The following VPS13B variants were observed in gnomAD, a reference collection of about 807,000 sequenced individuals.
VPS13B encodes the protein intermembrane lipid transfer protein VPS13B.
In VPS13B, 285 loss-of-function variants were observed where a neutral mutation model predicts 426.4. That is an observed-to-expected ratio of 0.67 (90% CI 0.61 to 0.74). The LOEUF (loss-of-function observed/expected upper bound fraction) is 0.74, where lower values mean the gene tolerates loss of function less well. Ranked by LOEUF, VPS13B falls within the 30% of genes least tolerant of loss-of-function variation. The pLI, the probability that VPS13B is intolerant of heterozygous loss-of-function variation, is 0.00. For synonymous variants in VPS13B, 1,676 were observed against 1,676.4 expected (o/e 1.00, Z 0.01); for missense variants, 4,537 against 4,782.6 (o/e 0.95, Z 1.51).
At chr8:99,031,945 A>C (rs1842525268) in intron 2 of VPS13B, among the ~76,000 whole-genome samples, 1 of 152,264 alleles carries the variant, frequency 6.6e-6, no homozygotes, top group African/African-American at 2.4e-5. Flanking sequence ...TCAGTGGATC[A>C]AATGCGAATT....
At chr8:99,584,254 A>G (rs112449844) in intron 33 of VPS13B, among the ~76,000 whole-genome samples, 163 of 152,316 alleles carry the variant, frequency 1.1e-3, no homozygotes, top group African/African-American at 3.8e-3. Context: ...GGCCTTGTCA[A>G]CGTTAAAATT....
At chr8:99,489,677 A>T (rs1009050633) in intron 25 of VPS13B, among the ~76,000 whole-genome samples, 3 of 152,068 alleles carry the variant, frequency 2.0e-5, no homozygotes, top group African/African-American at 4.8e-5. Flanking sequence ...TGTGAATGGG[A>T]GTTCACTCAT....
chr8:99,032,204 A>T (rs1422554446), intron 2 of VPS13B, among the ~76,000 whole-genome samples: 1 of 152,156 alleles, frequency 6.6e-6, no homozygotes, highest in African/African-American at 2.4e-5. Context: ...ACCTCAGAAG[A>T]TCTTCATTAC....
intron 44 of VPS13B, among the ~76,000 whole-genome samples, chr8:99,813,930 T>C (rs891697240): frequency 1.2e-4 from 19 of 152,202 alleles, no homozygotes. Context: ...GCCCAGGGGT[T>C]TGAGACCAGC....
intron 33 of VPS13B, among the ~76,000 whole-genome samples, chr8:99,609,989 G>A (rs1827773533): frequency 6.6e-6 from 1 of 152,144 alleles, no homozygotes; most frequent in Admixed American, 6.5e-5. Flanking sequence ...TGGGACCTCG[G>A]GGGATCTGTG....
chr8:99,274,093 T>A, intron 17 of VPS13B, 105 bp from the exon 18 acceptor site: 7 of 1,461,642 alleles, frequency 4.8e-6, no homozygotes, highest in Non-Finnish European at 5.7e-6. Context: ...TAAGAACATC[T>A]GAGGTAGACA....
intron 19 of VPS13B, among the ~76,000 whole-genome samples, chr8:99,364,377 T>G (rs975635933): frequency 6.6e-6 from 1 of 152,172 alleles, no homozygotes; most frequent in African/African-American, 2.4e-5. Context: ...TTGCTATTAT[T>G]TTGTTGAGGA....
chr8:99,286,924 T>C (rs1160487277), intron 19 of VPS13B, among the ~76,000 whole-genome samples: 2 of 152,164 alleles, frequency 1.3e-5, no homozygotes, highest in Non-Finnish European at 2.9e-5. Context: ...TGATTGTTGA[T>C]AATTCTGGGA....
At chr8:99,537,772 G>T (rs1020696484) in intron 30 of VPS13B, among the ~76,000 whole-genome samples, 6 of 152,134 alleles carry the variant, frequency 3.9e-5, no homozygotes, top group African/African-American at 1.4e-4. Flanking sequence ...CATGTGTTTG[G>T]TGGTGGCTTT....
intron 19 of VPS13B, among the ~76,000 whole-genome samples, chr8:99,319,515 G>A (rs1809859460): frequency 6.6e-6 from 1 of 152,180 alleles, no homozygotes; most frequent in Admixed American, 6.5e-5. Context: ...TGTTCAGGAT[G>A]TACGACTGTT....
chr8:99,049,867 T>C (rs1018775304), intron 3 of VPS13B, among the ~76,000 whole-genome samples: 1 of 152,022 alleles, frequency 6.6e-6, no homozygotes, highest in African/African-American at 2.4e-5. Flanking sequence ...TCATATTTTC[T>C]TATTCTTTTT....
intron 19 of VPS13B, among the ~76,000 whole-genome samples, chr8:99,315,164 G>A (rs1161332831): frequency 6.6e-6 from 1 of 152,026 alleles, no homozygotes; most frequent in East Asian, 1.9e-4. Context: ...CCTGAATCTG[G>A]ATATCTAAAT....
intron 30 of VPS13B, among the ~76,000 whole-genome samples, chr8:99,523,648 A>G (rs1057089610): frequency 6.6e-6 from 1 of 152,226 alleles, no homozygotes; most frequent in African/African-American, 2.4e-5. Context: ...CAAGTCTGCA[A>G]GAGCCACAGT....
In VPS13B at chr8:99,127,203, G is replaced by A. The variant is rs538571703; in HGVS notation, c.1206+5758G>A. Reference sequence around the variant, plus strand: ...CTCCTCTTCTGTATGACCTTTAAATGTTGGCATATAGGGCTTGGTCTTTGA... The same window carrying A: ...CTCCTCTTCTGTATGACCTTTAAATATTGGCATATAGGGCTTGGTCTTTGA... On this transcript the variant is annotated intron_variant, in intron 8 of 61. Transcript: ENST00000357162. Among the ~76,000 whole-genome samples the A allele has an allele frequency of 8.6e-5, 13 of 150,548 alleles. No homozygotes were observed. In the East Asian group the frequency reaches 1.6e-3, roughly 19 times the overall value.
intron 30 of VPS13B, among the ~76,000 whole-genome samples, chr8:99,540,071 T>A (rs1391068153): frequency 1.8e-5 from 1 of 56,328 alleles, no homozygotes; most frequent in African/African-American, 8.5e-5. Context: ...ATATTTTTTT[T>A]TTTTTTTTTT....
At chr8:99,427,512 A>G (rs1816791859) in intron 21 of VPS13B, among the ~76,000 whole-genome samples, 1 of 152,044 alleles carries the variant, frequency 6.6e-6, no homozygotes. Flanking sequence ...AGAGAGTCAA[A>G]TCCTGAATGC....
intron 19 of VPS13B, among the ~76,000 whole-genome samples, chr8:99,369,850 A>G (rs953411712): frequency 1.3e-5 from 2 of 152,146 alleles, no homozygotes; most frequent in Non-Finnish European, 2.9e-5. Flanking sequence ...GTCCCCAGTG[A>G]TTCTATATTT....
chr8:99,205,779 T>C (rs1306424091), intron 17 of VPS13B, among the ~76,000 whole-genome samples: 1 of 152,188 alleles, frequency 6.6e-6, no homozygotes, highest in African/African-American at 2.4e-5. Context: ...TTTTCTTAAA[T>C]ATCATCCCGC....
chr8:99,230,332 A>G (rs1410729176), intron 17 of VPS13B, among the ~76,000 whole-genome samples: 1 of 152,196 alleles, frequency 6.6e-6, no homozygotes, highest in Non-Finnish European at 1.5e-5. Flanking sequence ...ACAGGACACA[A>G]TTGAAAGCTC....
Sources: gnomAD v4.1 joint callset for allele counts (sites outside exome capture counted in the v4.1 genomes callset) on GRCh38, gnomAD v4.1.1 for gene constraint, MANE v1.5 for transcripts, NCBI Gene and HGNC (gene_info 2026-07-23, HGNC 2026-07-21) for gene names.